The following TNIP3 variants were observed in gnomAD, a reference collection of about 807,000 sequenced individuals.
TNIP3 encodes the protein TNFAIP3-interacting protein 3.
TNIP3 carries 34 observed loss-of-function variants against 54.1 expected under a neutral mutation model. The observed-to-expected ratio is 0.63, with a 90% CI of 0.48 to 0.84. TNIP3 has a LOEUF of 0.84. Ranked by LOEUF, TNIP3 falls within the 40% of genes least tolerant of loss-of-function variation. The pLI, the probability that TNIP3 is intolerant of heterozygous loss-of-function variation, is 0.00. For missense variants in TNIP3, 366 were observed against 387.6 expected, an observed-to-expected ratio of 0.94 and a Z score of 0.47; for synonymous variants, 134 against 136.8, an observed-to-expected ratio of 0.98 and a Z score of 0.14.
chr4:121,216,361 C>G, intron 2 of TNIP3: 1 of 1,421,498 alleles, frequency 7.0e-7, no homozygotes, highest in Non-Finnish European at 9.6e-7. Flanking sequence ...CAGAAGTGCT[C>G]TAATTAGAAT....
Position 121,132,434 on chromosome 4 carries a change from G to A in TNIP3, c.*197C>T, listed in dbSNP as rs1226344403. The stretch of plus-strand genomic sequence containing the variant: ...GTTGTATTTGGTTGTATAATAACTG[G>A]CTCCTCCAATTTGATCAGGATCTTA... On this transcript the variant is annotated 3_prime_UTR_variant, in exon 11 of 11. Transcript: ENST00000057513. 2 of 487,432 alleles carry A rather than the reference G, an allele frequency of 4.1e-6. No homozygotes were observed. The highest frequency in any genetic ancestry group is 7.3e-6 in the Non-Finnish European group (2 of 274,126). The allele number at this position is 487,432 out of a possible 1,614,324, so 30.2% of individuals were successfully genotyped here. A position where few individuals can be genotyped will look rare whatever the true frequency, so the allele number is the denominator to read the frequency against.
At chr4:121,212,029 G>T (rs943531757) in intron 2 of TNIP3, among the ~76,000 whole-genome samples, 1 of 152,112 alleles carries the variant, frequency 6.6e-6, no homozygotes. Flanking sequence ...GTTGATTCTT[G>T]GGAAAATTCT....
At chr4:121,190,380 T>C (rs1560681617) in intron 2 of TNIP3, among the ~76,000 whole-genome samples, 2 of 152,152 alleles carry the variant, frequency 1.3e-5, no homozygotes, top group Non-Finnish European at 2.9e-5. Context: ...CACATACTTA[T>C]TAAGTATTTG....
At chr4:121,150,368 G>T in intron 5 of TNIP3, 149 bp from the exon 6 acceptor site, 3 of 455,050 alleles carry the variant, frequency 6.6e-6, no homozygotes, top group East Asian at 3.6e-5. Flanking sequence ...TCTTCTTTCT[G>T]ATTTTCTCAT....
chr4:121,132,742 A>T, intron 10 of TNIP3, 80 bp from the exon 11 acceptor site: 1 of 1,307,834 alleles, frequency 7.6e-7, no homozygotes, highest in East Asian at 2.4e-5. Flanking sequence ...GCTGACATAA[A>T]GTTCCAGGAT....
chr4:121,174,919 C>G (rs988228713), intron 3 of TNIP3, among the ~76,000 whole-genome samples: 2 of 152,134 alleles, frequency 1.3e-5, no homozygotes, highest in African/African-American at 4.8e-5. Context: ...TATTTTCAAT[C>G]AAACTAGAAA....
chr4:121,159,221 C>T (rs184706916), intron 2 of TNIP3, among the ~76,000 whole-genome samples: 91 of 151,544 alleles, frequency 6.0e-4, no homozygotes, highest in Middle Eastern at 3.4e-3. Flanking sequence ...CCATCCTGGG[C>T]GACAGAGTGA....
chr4:121,214,804 AT>A (rs1389468266), intron 2 of TNIP3, among the ~76,000 whole-genome samples: 4 of 152,192 alleles, frequency 2.6e-5, no homozygotes, highest in African/African-American at 9.7e-5. Context: ...GTAAATTTCA[AT>A]TTTACTAATA....
At chr4:121,142,832 C>CCA in intron 7 of TNIP3, 56 bp from the exon 8 acceptor site, 1 of 1,450,734 alleles carries the variant, frequency 6.9e-7, no homozygotes, top group East Asian at 2.4e-5. Context: ...CATTAATTCC[C>CCA]AAGCCACTCT....
intron 3 of TNIP3, among the ~76,000 whole-genome samples, chr4:121,178,191 T>A (rs1724470413): frequency 6.6e-6 from 1 of 152,222 alleles, no homozygotes. Context: ...GTCCAGAATC[T>A]AAATCCCATT....
At chr4:121,193,908 A>G (rs958042447) in intron 2 of TNIP3, among the ~76,000 whole-genome samples, 1 of 152,202 alleles carries the variant, frequency 6.6e-6, no homozygotes, top group Non-Finnish European at 1.5e-5. Context: ...ATTCTACAGA[A>G]TATCAAGCCT....
At position 121,162,487 on chromosome 4, in the gene TNIP3, G is replaced by A. The variant is rs558059294; in HGVS notation, c.67-1271C>T. On this transcript the variant is annotated intron_variant, in intron 1 of 10. Transcript: ENST00000057513. ...ACACTGAAACCCAAGTGTCAAGTAT[G>A]TTGGGGCCCGTAATTGGACCTTCTT... is the stretch of plus-strand genomic sequence containing the variant. Among the ~76,000 whole-genome samples, 6 of 152,090 alleles carry A rather than the reference G, an allele frequency of 3.9e-5. No individual in the cohort carries two copies. The East Asian group carries it at 5.8e-4, about 15-fold the overall frequency.
intron 2 of TNIP3, among the ~76,000 whole-genome samples, chr4:121,211,347 C>G (rs1264766490): frequency 6.6e-6 from 1 of 152,130 alleles, no homozygotes; most frequent in Non-Finnish European, 1.5e-5. Flanking sequence ...TCAATGTAAC[C>G]TGCCTACTCT....
chr4:121,195,071 G>T (rs922756925), intron 2 of TNIP3, among the ~76,000 whole-genome samples: 2 of 152,134 alleles, frequency 1.3e-5, no homozygotes, highest in African/African-American at 4.8e-5. Context: ...AGGAGGCTGA[G>T]GCAGGAGAAT....
chr4:121,223,930 C>T (rs184069219), intron 1 of TNIP3, among the ~76,000 whole-genome samples: 23 of 152,244 alleles, frequency 1.5e-4, no homozygotes, highest in African/African-American at 4.3e-4. Context: ...AATCTAACCA[C>T]GGGAGGCTAC....
At chr4:121,139,109 T>C (rs751497260) in intron 9 of TNIP3, among the ~76,000 whole-genome samples, 56 of 152,310 alleles carry the variant, frequency 3.7e-4, no homozygotes, top group Admixed American at 1.3e-4. Flanking sequence ...AGTTTTCTAA[T>C]GGTTTAAGGA....
In TNIP3 at chr4:121,203,638, G is replaced by T. The variant is rs116111846; in HGVS notation, c.68+12777C>A. 6.3e-3 allele frequency among the ~76,000 whole-genome samples: 954 copies of T among 152,028 alleles called. 11 individuals carry two copies. The highest frequency in any genetic ancestry group is 8.4e-3 in the Non-Finnish European group (574 of 67,974). ...AAATAAAACATTCAAAACAACTTAG[G>T]TCATCTGATATAATACATAAACTTA... On this transcript the variant is annotated intron_variant, in intron 2 of 12. Coordinates refer to the TNIP3 transcript ENST00000507879.
At chr4:121,166,196 C>T (rs76626011), upstream of TNIP3, among the ~76,000 whole-genome samples, 4,696 of 152,272 alleles carry the variant, frequency 0.031, 102 homozygotes, top group Admixed American at 0.038. Context: ...TATACCTTTG[C>T]TTCTTTCTTT....
intron 8 of TNIP3, 133 bp downstream of exon 8, chr4:121,142,593 T>C (rs1729186527): frequency 2.6e-6 from 2 of 763,202 alleles, no homozygotes; most frequent in East Asian, 2.5e-5. Context: ...TATCCGTTGA[T>C]GGTGTAGTCA....
Sources: gnomAD v4.1 joint callset for allele counts (sites outside exome capture counted in the v4.1 genomes callset) on GRCh38, gnomAD v4.1.1 for gene constraint, MANE v1.5 for transcripts, NCBI Gene and HGNC (gene_info 2026-07-23, HGNC 2026-07-21) for gene names.